The following BRIP1 variants were observed in gnomAD, a reference collection of about 807,000 sequenced individuals.
BRIP1 encodes the protein BRCA1 interacting DNA helicase 1, also known as Fanconi anemia group J protein.
A neutral mutation model predicts 119.7 loss-of-function variants in BRIP1; 88 were observed. That is an observed-to-expected ratio of 0.74 (90% CI 0.62 to 0.88). BRIP1 has a LOEUF of 0.88. BRIP1 is among the 40% of genes least tolerant of loss of function. The probability of loss-of-function intolerance (pLI) is 0.00; values close to 1 mark genes in which losing one functional copy is unlikely to be tolerated. For missense variants in BRIP1, 1,259 were observed against 1,455.4 expected, an observed-to-expected ratio of 0.87 and a Z score of 2.20; for synonymous variants, 443 against 496.5, an observed-to-expected ratio of 0.89 and a Z score of 1.43.
At position 61,799,093 on chromosome 17, in the gene BRIP1, T is replaced by A. The variant is rs755399646; in HGVS notation, c.1340+7A>T. Reference sequence around the variant, plus strand: ...GCACAAATACACTAATAGACAAATCTTCTTACTTAATGAGGCTACAGCACA... The same window carrying A: ...GCACAAATACACTAATAGACAAATCATCTTACTTAATGAGGCTACAGCACA... On this transcript the variant is annotated splice_region_variant and intron_variant, in intron 9 of 19. Transcript: ENST00000259008. The surrounding 1 kb of genome is among the most constrained non-coding windows in gnomAD (Gnocchi z 5.1). 7 of 1,608,692 alleles carry A rather than the reference T, an allele frequency of 4.4e-6. No homozygotes were observed. The Admixed American group carries it at 1.0e-4, about 23-fold the overall frequency.
intron 6 of BRIP1, among the ~76,000 whole-genome samples, chr17:61,813,651 C>A (rs1350631661): frequency 6.6e-6 from 1 of 152,058 alleles, no homozygotes; most frequent in Admixed American, 6.5e-5. Context: ...TTAGTCGTGA[C>A]AAACATATAT....
Position 61,847,103 on chromosome 17 carries a change from T to C in BRIP1, c.625A>G (p.Lys209Glu), listed in dbSNP as rs2078745221. The change falls in exon 6 of 20, where the codon AAA (lysine) becomes GAA (glutamate). Residue 209 changes from lysine to glutamate, a missense_variant and splice_region_variant. Physicochemically the swap from Lys to Glu is moderately conservative, Grantham distance 56. This residue lies in a region of BRIP1 where 501 missense variants were observed against 544.0 expected (regional missense o/e 0.92). Transcript: ENST00000259008. ...TGAACAATGGCATTAATACATACTT[T>C]CTGTGGCGAAAAGGAGTTTATCTTT... ...LEKINSFSPQ[K>E]PPGHCSRCCC... The C allele has an allele frequency of 6.2e-7, 1 of 1,613,926 alleles. No individual in the cohort carries two copies. The highest frequency in any genetic ancestry group is 8.5e-7 in the Non-Finnish European group (1 of 1,179,898).
chr17:61,715,861 A>G (rs959610355), intron 17 of BRIP1, 90 bp downstream of exon 17: 10 of 816,868 alleles, frequency 1.2e-5, no homozygotes, highest in Non-Finnish European at 1.9e-5. Context: ...AAATTTTACC[A>G]AGTTTATTAT....
chr17:61,680,993 A>G lies in BRIP1; in HGVS notation c.*2303T>C, dbSNP rs2061262489. 6.6e-6 allele frequency among the ~76,000 whole-genome samples: 1 copy of G among 152,192 alleles called. No individual in the cohort carries two copies. Among genetic ancestry groups the G allele is most frequent in the Non-Finnish European group, 1.5e-5 (1 of 68,022 alleles). ...CTGAGGAGGCCTCAAGAAACTTACA[A>G]TCATGGCGGAAGGCAACTTTTCACA... On this transcript the variant is annotated 3_prime_UTR_variant, in exon 20 of 20. Coordinates refer to ENST00000259008, the MANE Select transcript of BRIP1 (RefSeq NM_032043.3).
In BRIP1 at chr17:61,861,108, T is replaced by A. The variant is rs1215029868; in HGVS notation, c.93+339A>T. On this transcript the variant is annotated intron_variant, in intron 2 of 19. Coordinates refer to ENST00000259008, the MANE Select transcript of BRIP1 (RefSeq NM_032043.3). This position sits in a 1 kb window ranked among gnomAD's most constrained non-coding sequence, Gnocchi z 4.5. ...TACTCAAATTTGTATATTAATTTTCTACATGATCCAAACAAAACAATGGTG... is the reference window on the plus strand; with the variant it reads ...TACTCAAATTTGTATATTAATTTTCAACATGATCCAAACAAAACAATGGTG... Among the ~76,000 whole-genome samples, 1 of 152,206 alleles carries A rather than the reference T, an allele frequency of 6.6e-6. No homozygotes were observed. The highest frequency in any genetic ancestry group is 1.5e-5 in the Non-Finnish European group (1 of 68,032).
chr17:61,847,198 C>G lies in BRIP1; in HGVS notation c.530G>C (p.Gly177Ala), dbSNP rs2078748443. The change falls in exon 6 of 20, where the codon GGA becomes GCA. Residue 177 changes from glycine to alanine, a missense_variant. Coordinates refer to ENST00000259008, the MANE Select transcript of BRIP1 (RefSeq NM_032043.3). ...TQQIRKRHCF[G>A]TEVHNLDAKV... ...TGCATCCAAATTGTGTACTTCTGTT[C>G]CAAAGCAATGACGTTTTCTAATCTG... 1 of 1,613,706 alleles carries G rather than the reference C, an allele frequency of 6.2e-7. No homozygotes were observed. The highest frequency in any genetic ancestry group is 1.1e-5 in the South Asian group (1 of 91,070).
Position 61,804,847 on chromosome 17 carries a change from T to C in BRIP1, c.919-3373A>G, listed in dbSNP as rs938170757. On this transcript the variant is annotated intron_variant, in intron 7 of 19. Transcript: ENST00000259008. The surrounding 1 kb of genome is among the most constrained non-coding windows in gnomAD (Gnocchi z 4.5). ...GGTTATCTACTAATGTCCTTTGCCA[T>C]TGTATTACTGGAAATAAAAGATTTC... is the stretch of plus-strand genomic sequence containing the variant. Among the ~76,000 whole-genome samples, 1 of 151,998 alleles carries C rather than the reference T, an allele frequency of 6.6e-6. No individual in the cohort carries two copies. Among genetic ancestry groups the C allele is most frequent in the African/African-American group, 2.4e-5 (1 of 41,408 alleles).
In BRIP1 at chr17:61,742,709, C is replaced by T. The variant is rs2077002185; in HGVS notation, c.2379+304G>A. ...CTTATGTGGGTACAGTATGAGATGC[C>T]CCAAAACAATTACAATAGTAACATC... is the stretch of plus-strand genomic sequence containing the variant. On this transcript the variant is annotated intron_variant, in intron 16 of 19. Coordinates refer to ENST00000259008, the MANE Select transcript of BRIP1 (RefSeq NM_032043.3). The surrounding 1 kb of genome is among the most constrained non-coding windows in gnomAD (Gnocchi z 4.7). Among the ~76,000 whole-genome samples the T allele has an allele frequency of 6.6e-6, 1 of 151,994 alleles. No homozygotes were observed. Among genetic ancestry groups the T allele is most frequent in the African/African-American group, 2.4e-5 (1 of 41,354 alleles).
chr17:61,691,621 A>G lies in BRIP1; in HGVS notation c.2575+1809T>C, dbSNP rs2061448081. Among the ~76,000 whole-genome samples, 1 of 152,096 alleles carries G rather than the reference A, an allele frequency of 6.6e-6. No homozygotes were observed. Among genetic ancestry groups the G allele is most frequent in the East Asian group, 1.9e-4 (1 of 5,182 alleles). On this transcript the variant is annotated intron_variant, in intron 18 of 19. Transcript: ENST00000259008. The surrounding 1 kb of genome is among the most constrained non-coding windows in gnomAD (Gnocchi z 5.0). Reference sequence around the variant, plus strand: ...CAGGCACCCGCCACCGCACCCGGCTAATTTTTGTATTTTTAATAGAGATGG... The same window carrying G: ...CAGGCACCCGCCACCGCACCCGGCTGATTTTTGTATTTTTAATAGAGATGG...
At position 61,729,936 on chromosome 17, in the gene BRIP1, C is replaced by T. The variant is rs2076821905; in HGVS notation, c.2379+13077G>A. ...AGATGCTGTTAAACATCCTGGAATG[C>T]ACAGGACACTCCTCGGAACAAAGAA... is the stretch of plus-strand genomic sequence containing the variant. On this transcript the variant is annotated intron_variant, in intron 16 of 19. Transcript: ENST00000259008. This position sits in a 1 kb window ranked among gnomAD's most constrained non-coding sequence, Gnocchi z 5.6. Among the ~76,000 whole-genome samples the T allele has an allele frequency of 6.6e-6, 1 of 152,076 alleles. No individual in the cohort carries two copies. Among genetic ancestry groups the T allele is most frequent in the Non-Finnish European group, 1.5e-5 (1 of 68,028 alleles).
rs1415347036 is a variant in BRIP1, at chr17:61,828,116, C to T, written c.627+18985G>A. ...CAGATACGTACACCAATGTTCACAG[C>T]AGCATTATTCAAAATAGCAAAAAGA... On this transcript the variant is annotated intron_variant, in intron 6 of 19. Coordinates refer to ENST00000259008, the MANE Select transcript of BRIP1 (RefSeq NM_032043.3). The surrounding 1 kb of genome is among the most constrained non-coding windows in gnomAD (Gnocchi z 4.1). 6.6e-6 allele frequency among the ~76,000 whole-genome samples: 1 copy of T among 152,160 alleles called. No individual in the cohort carries two copies. The highest frequency in any genetic ancestry group is 6.5e-5 in the Admixed American group (1 of 15,276).
rs753958792 is a variant in BRIP1, at chr17:61,726,136, T to C, written c.2380-10073A>G. Among the ~76,000 whole-genome samples, 14 of 152,228 alleles carry C rather than the reference T, an allele frequency of 9.2e-5. No homozygotes were observed. Among genetic ancestry groups the C allele is most frequent in the Non-Finnish European group, 2.1e-4 (14 of 68,034 alleles). ...ATCAAGGCCTTGAGACTTAGGTTGT[T>C]TGACCTTGGACAAGTCACAGTAGCC... On this transcript the variant is annotated intron_variant, in intron 16 of 19. Coordinates refer to ENST00000259008, the MANE Select transcript of BRIP1 (RefSeq NM_032043.3). The surrounding 1 kb of genome is among the most constrained non-coding windows in gnomAD (Gnocchi z 6.2).
chr17:61,731,186 C>T (rs898730484), intron 16 of BRIP1, among the ~76,000 whole-genome samples: 14 of 151,652 alleles, frequency 9.2e-5, no homozygotes, highest in Non-Finnish European at 1.9e-4. Context: ...AAGGTTTTTT[C>T]TTCTATATCT....
rs1222990403 is a variant in BRIP1, at chr17:61,845,652, T to C, written c.627+1449A>G. ...TTACCATGGTTAGTATATCATTCAC[T>C]CTTTTTCAAGCAAAAATGATGTTCC... On this transcript the variant is annotated intron_variant, in intron 6 of 19. Transcript: ENST00000259008. This position sits in a 1 kb window ranked among gnomAD's most constrained non-coding sequence, Gnocchi z 4.2. 6.6e-6 allele frequency among the ~76,000 whole-genome samples: 1 copy of C among 152,186 alleles called. No individual in the cohort carries two copies. The highest frequency in any genetic ancestry group is 1.5e-5 in the Non-Finnish European group (1 of 68,032).
intron 7 of BRIP1, among the ~76,000 whole-genome samples, chr17:61,801,998 G>A (rs1403850652): frequency 6.6e-6 from 1 of 151,290 alleles, no homozygotes; most frequent in Non-Finnish European, 1.5e-5. Flanking sequence ...GTCCTAAGGG[G>A]AAAAAAAGAA....
chr17:61,715,919 GATA>G lies in BRIP1; in HGVS notation c.2492+29_2492+31del, dbSNP rs753542258. On this transcript the variant is annotated intron_variant, in intron 17 of 19. Transcript: ENST00000259008. ...GATTTATATATATAGCCCTGTCACA[GATA>G]ATATTATATTAAATTTCACTCCACT... 3.7e-6 allele frequency: 5 copies of G among 1,361,164 alleles called. No individual in the cohort carries two copies. The African/African-American group carries it at 7.2e-5, about 19-fold the overall frequency. 84.3% of individuals were successfully genotyped at this position (1,361,164 alleles called of 1,614,324 possible). A position where few individuals can be genotyped will look rare whatever the true frequency, so the allele number is the denominator to read the frequency against.
chr17:61,780,585 G>A lies in BRIP1; in HGVS notation c.1795-184C>T, dbSNP rs549968857. ...TCTACAAAAAATACAAAAATTAGCC[G>A]GGCATGGTGACACATGCCTATAGTC... is the stretch of plus-strand genomic sequence containing the variant. On this transcript the variant is annotated intron_variant, in intron 12 of 19. Coordinates refer to ENST00000259008, the MANE Select transcript of BRIP1 (RefSeq NM_032043.3). This position sits in a 1 kb window ranked among gnomAD's most constrained non-coding sequence, Gnocchi z 5.4. Among the ~76,000 whole-genome samples, 5 of 152,052 alleles carry A rather than the reference G, an allele frequency of 3.3e-5. No homozygotes were observed. The highest frequency in any genetic ancestry group is 3.9e-4 in the East Asian group (2 of 5,172).
In BRIP1 at chr17:61,842,924, G is replaced by A. The variant is rs1363576589; in HGVS notation, c.627+4177C>T. The stretch of plus-strand genomic sequence containing the variant: ...GGTTATACAGTTAATAAAGAGTAGA[G>A]CTATGATTAAAATCCAAGCAGTCTC... On this transcript the variant is annotated intron_variant, in intron 6 of 19. Coordinates refer to ENST00000259008, the MANE Select transcript of BRIP1 (RefSeq NM_032043.3). This position sits in a 1 kb window ranked among gnomAD's most constrained non-coding sequence, Gnocchi z 5.1. 6.6e-6 allele frequency among the ~76,000 whole-genome samples: 1 copy of A among 152,204 alleles called. No homozygotes were observed. Among genetic ancestry groups the A allele is most frequent in the Non-Finnish European group, 1.5e-5 (1 of 68,044 alleles).
chr17:61,693,466 CATCCACTAGAATAA>C lies in BRIP1; in HGVS notation c.2525_2538del (p.Leu842ArgfsTer4), dbSNP rs2061477722. The C allele has an allele frequency of 6.2e-7, 1 of 1,613,640 alleles. No homozygotes were observed. Among genetic ancestry groups the C allele is most frequent in the Admixed American group, 1.7e-5 (1 of 60,004 alleles). On this transcript the variant is annotated frameshift_variant, in exon 18 of 20. Transcript: ENST00000259008. LOFTEE classifies it high-confidence loss of function. The surrounding 1 kb of genome is among the most constrained non-coding windows in gnomAD (Gnocchi z 4.2). ...CGACTTGGGTTATTCCTAAAGCGAT[CATCCACTAGAATAA>C]GAGCTCCCCAATCATTTCTGTGTCT...
Sources: allele counts gnomAD v4.1 joint callset (sites outside exome capture counted in the v4.1 genomes callset), GRCh38; gene constraint gnomAD v4.1.1; regional missense constraint gnomAD v4.1.1; non-coding constraint Gnocchi (gnomAD v3.1); transcripts MANE v1.5; gene names NCBI Gene and HGNC (gene_info 2026-07-23, HGNC 2026-07-21).